KITLG: variants seen among roughly 807,000 people sequenced by gnomAD.
The protein encoded by KITLG is c-Kit ligand.
A neutral mutation model predicts 34.1 loss-of-function variants in KITLG; 13 were observed. The observed-to-expected ratio is 0.38, with a 90% confidence interval of 0.25 to 0.61. KITLG has a LOEUF of 0.61. KITLG is among the 20% of genes least tolerant of loss of function. KITLG has a pLI of 0.60. For synonymous variants in KITLG, 110 were observed against 104.0 expected (o/e 1.06, Z -0.35); for missense variants, 292 against 318.9 (o/e 0.92, Z 0.64).
At chr12:88,580,100 C>T (rs1241517328) in intron 1 of KITLG, 164 bp downstream of exon 1, 2 of 737,830 alleles carry the variant, frequency 2.7e-6, no homozygotes, top group Non-Finnish European at 4.7e-6. Flanking sequence ...CGGCTCGGCT[C>T]GGGATCACAC....
In KITLG at chr12:88,496,090, G is replaced by A. The variant is rs1868631370; in HGVS notation, c.*1129C>T. The A allele has an allele frequency of 6.6e-6, 1 of 152,068 alleles. No homozygotes were observed. The highest frequency in any genetic ancestry group is 1.5e-5 in the Non-Finnish European group (1 of 68,024). The allele number at this position is 152,068 out of a possible 1,614,324, so 9.4% of individuals were successfully genotyped here. On this transcript the variant is annotated 3_prime_UTR_variant, in exon 10 of 10. Coordinates refer to ENST00000644744, the MANE Select transcript of KITLG (RefSeq NM_000899.5). ...TCATAAACCTTAATGAATATAGAGTGCCCGATTTTAACTAAATGGATCCTT... is the reference window on the plus strand; with the variant it reads ...TCATAAACCTTAATGAATATAGAGTACCCGATTTTAACTAAATGGATCCTT...
chr12:88,502,585 A>G (rs764353402), intron 9 of KITLG, among the ~76,000 whole-genome samples: 2 of 152,214 alleles, frequency 1.3e-5, no homozygotes, highest in Non-Finnish European at 2.9e-5. Context: ...TTTTCTTGGA[A>G]TGCTAACTGA....
At chr12:88,548,304 A>G (rs1292822501) in intron 1 of KITLG, among the ~76,000 whole-genome samples, 1 of 152,020 alleles carries the variant, frequency 6.6e-6, no homozygotes, top group Non-Finnish European at 1.5e-5. Context: ...AAATACAAAA[A>G]TTAGCTGGGT....
At chr12:88,541,232 T>C (rs1447979903) in intron 2 of KITLG, among the ~76,000 whole-genome samples, 1 of 152,144 alleles carries the variant, frequency 6.6e-6, no homozygotes, top group East Asian at 1.9e-4. Flanking sequence ...AATAAGTGCC[T>C]ATCACAAGAC....
intron 6 of KITLG, 69 bp downstream of exon 6, chr12:88,515,465 A>G (rs1869421526): frequency 1.1e-6 from 1 of 927,716 alleles, no homozygotes; most frequent in African/African-American, 1.6e-5. Flanking sequence ...TTTCCTTGAA[A>G]GCCCATGCAA....
chr12:88,560,027 T>C lies in KITLG; in HGVS notation c.16-14162A>G, dbSNP rs556264176. Among the ~76,000 whole-genome samples, 10 of 152,362 alleles carry C rather than the reference T, an allele frequency of 6.6e-5. No homozygotes were observed. The South Asian group carries it at 1.9e-3, about 28-fold the overall frequency. On this transcript the variant is annotated intron_variant, in intron 1 of 9. Transcript: ENST00000644744. ...CAGAGAACGTTATCAAAGTAAGATATGGATTCAAATCCTGGTGCTGTCACG... is the reference window on the plus strand; with the variant it reads ...CAGAGAACGTTATCAAAGTAAGATACGGATTCAAATCCTGGTGCTGTCACG...
Position 88,505,171 on chromosome 12 carries a change from G to A in KITLG, c.*25C>T. The A allele has an allele frequency of 1.9e-6, 3 of 1,568,408 alleles. No individual in the cohort carries two copies. Among genetic ancestry groups the A allele is most frequent in the Non-Finnish European group, 1.8e-6 (2 of 1,139,760 alleles). On this transcript the variant is annotated 3_prime_UTR_variant, in exon 9 of 10. Transcript: ENST00000644744. ...GAAAAAAACTTACCAATGTACGAAA[G>A]TAACAGTGTTGATACAAGCCACAAT...
intron 2 of KITLG, among the ~76,000 whole-genome samples, chr12:88,542,306 TTCATGTGTAAGCA>T (rs1870545705): frequency 6.6e-6 from 1 of 152,128 alleles, no homozygotes; most frequent in Non-Finnish European, 1.5e-5. Context: ...AATTCTGAGC[TTCATGTGTAAGCA>T]TTTGAAGTTT....
intron 1 of KITLG, among the ~76,000 whole-genome samples, chr12:88,554,926 T>C (rs12370494): frequency 0.076 from 11,631 of 152,216 alleles, 504 homozygotes; most frequent in Non-Finnish European, 0.1. Flanking sequence ...GAGTAACTAA[T>C]TGAAACTCAG....
intron 1 of KITLG, among the ~76,000 whole-genome samples, chr12:88,563,231 A>G (rs1015339205): frequency 1.3e-5 from 2 of 152,234 alleles, no homozygotes; most frequent in Non-Finnish European, 2.9e-5. Flanking sequence ...AGAAGTGATG[A>G]CATGGGTTAA....
At position 88,511,247 on chromosome 12, in the gene KITLG, C is replaced by T. The variant is rs562149602; in HGVS notation, c.605-4110G>A. ...CCAAATACGATGGTAGCAGACTAGCCTTTCCAACCTAAGTAATTATAATTC... is the reference window on the plus strand; with the variant it reads ...CCAAATACGATGGTAGCAGACTAGCTTTTCCAACCTAAGTAATTATAATTC... On this transcript the variant is annotated intron_variant, in intron 6 of 9. Transcript: ENST00000644744. Among the ~76,000 whole-genome samples, 5 of 152,278 alleles carry T rather than the reference C, an allele frequency of 3.3e-5. No homozygotes were observed. In the East Asian group the frequency reaches 9.7e-4, roughly 29 times the overall value.
chr12:88,497,327 T>C lies in KITLG; in HGVS notation c.*38-146A>G, dbSNP rs946414127. On this transcript the variant is annotated intron_variant, in intron 9 of 9. Transcript: ENST00000644744. Reference sequence around the variant, plus strand: ...ACTTATATAGCAGAAAAGAACTTCATAAATATTTTCTTAGATGCAGTGATC... The same window carrying C: ...ACTTATATAGCAGAAAAGAACTTCACAAATATTTTCTTAGATGCAGTGATC... The C allele has an allele frequency of 4.0e-5, 9 of 224,944 alleles. No individual in the cohort carries two copies. In the East Asian group the frequency reaches 1.1e-3, roughly 28 times the overall value. 13.9% of individuals were successfully genotyped at this position (224,944 alleles called of 1,614,324 possible). A position where few individuals can be genotyped will look rare whatever the true frequency, so the allele number is the denominator to read the frequency against.
At chr12:88,551,511 T>G (rs1467363809) in intron 1 of KITLG, among the ~76,000 whole-genome samples, 1 of 152,238 alleles carries the variant, frequency 6.6e-6, no homozygotes, top group Non-Finnish European at 1.5e-5. Context: ...ATCTCAGTTA[T>G]GTAGTTGTAG....
rs1459772867 is a variant in KITLG, at chr12:88,568,601, C to T, written c.15+11663G>A. On this transcript the variant is annotated intron_variant, in intron 1 of 9. Coordinates refer to ENST00000644744, the MANE Select transcript of KITLG (RefSeq NM_000899.5). Reference sequence around the variant, plus strand: ...ATAATAGTGGAGCTAAGATTTAACTCTCATTCTGTCTAACTCCAAACCCCA... The same window carrying T: ...ATAATAGTGGAGCTAAGATTTAACTTTCATTCTGTCTAACTCCAAACCCCA... Among the ~76,000 whole-genome samples the T allele has an allele frequency of 4.6e-5, 7 of 152,124 alleles. No homozygotes were observed. The East Asian group carries it at 1.3e-3, about 29-fold the overall frequency.
intron 3 of KITLG, among the ~76,000 whole-genome samples, chr12:88,520,834 T>C (rs1165159633): frequency 6.6e-6 from 1 of 152,164 alleles, no homozygotes; most frequent in East Asian, 1.9e-4. Flanking sequence ...ATTTAGCTAT[T>C]ACCCTACCTC....
intron 2 of KITLG, among the ~76,000 whole-genome samples, chr12:88,544,568 G>A (rs907559769): frequency 1.3e-5 from 2 of 151,790 alleles, no homozygotes; most frequent in African/African-American, 4.8e-5. Flanking sequence ...AGCTAACTGG[G>A]TATATAGCAG....
Position 88,497,671 on chromosome 12 carries a change from A to G in KITLG, c.*38-490T>C, listed in dbSNP as rs140350986. 6.4e-4 allele frequency among the ~76,000 whole-genome samples: 97 copies of G among 152,314 alleles called. No individual in the cohort carries two copies. In the Middle Eastern group the frequency reaches 0.014, roughly 21 times the overall value. On this transcript the variant is annotated intron_variant, in intron 9 of 9. Transcript: ENST00000644744. ...AGTAAACAGGGGTGAAGGGAGAAGG[A>G]TTGACGAACAAAGTGTCTGGAGAGT...
At chr12:88,571,325 C>T (rs1592589943) in intron 1 of KITLG, among the ~76,000 whole-genome samples, 1 of 152,098 alleles carries the variant, frequency 6.6e-6, no homozygotes, top group South Asian at 2.1e-4. Context: ...TACTTCTGTG[C>T]CCATTTTAAA....
chr12:88,531,214 A>G (rs908150946), intron 3 of KITLG, among the ~76,000 whole-genome samples: 3 of 152,188 alleles, frequency 2.0e-5, no homozygotes, highest in Admixed American at 6.5e-5. Context: ...CAGTAAACAT[A>G]TAAGAGAATG....
Sources: gnomAD v4.1 joint callset for allele counts (sites outside exome capture counted in the v4.1 genomes callset) on GRCh38, gnomAD v4.1.1 for gene constraint, MANE v1.5 for transcripts, NCBI Gene and HGNC (gene_info 2026-07-23, HGNC 2026-07-21) for gene names.